The following GRM8 variants were observed in gnomAD, a reference collection of about 807,000 sequenced individuals.
The protein encoded by GRM8 is metabotropic glutamate receptor 8.
GRM8 carries 47 observed loss-of-function variants against 87.2 expected under a neutral mutation model. That is an observed-to-expected ratio of 0.54 (90% confidence interval 0.43 to 0.69). The LOEUF (loss-of-function observed/expected upper bound fraction) is 0.69. GRM8 is among the 30% of genes least tolerant of loss of function. The pLI is 0.00. For missense variants in GRM8, 1,019 were observed against 1,139.2 expected (o/e 0.89, Z 1.52); for synonymous variants, 396 against 404.5 (o/e 0.98, Z 0.25).
intron 3 of GRM8, among the ~76,000 whole-genome samples, chr7:126,952,360 T>C (rs538261609): frequency 6.6e-6 from 1 of 152,136 alleles, no homozygotes; most frequent in South Asian, 2.1e-4. Context: ...TCCCAATTAA[T>C]ACATGTTGAA....
Position 126,619,070 on chromosome 7 carries a change from C to T in GRM8, c.1358-9572G>A, listed in dbSNP as rs530397793. 7.4e-4 allele frequency among the ~76,000 whole-genome samples: 112 copies of T among 152,320 alleles called. 2 individuals are homozygous for T. In the South Asian group the frequency reaches 0.022, roughly 30 times the overall value. On this transcript the variant is annotated intron_variant, in intron 7 of 10. Transcript: ENST00000339582. ...AATTATGCTGCTATAAAGGCACTTG[C>T]ACACGTATGTTTATTGCGGCACTAT... is the stretch of plus-strand genomic sequence containing the variant.
Position 126,648,795 on chromosome 7 carries a change from C to CAAT in GRM8, c.1358-39298_1358-39297insATT, listed in dbSNP as rs55772286. On this transcript the variant is annotated intron_variant, in intron 7 of 10. Coordinates refer to ENST00000339582, the MANE Select transcript of GRM8 (RefSeq NM_000845.3). ...TATCTTTAAATGAACAAATGCTGAA[C>CAAT]GACACTGATATTAAGACCTATTTAT... 1.0e-3 allele frequency among the ~76,000 whole-genome samples: 153 copies of CAAT among 152,116 alleles called. 1 individual carries two copies. The highest frequency in any genetic ancestry group is 3.4e-3 in the Admixed American group (52 of 15,264).
rs775006553 is a variant in GRM8 at position 126,904,009 on chromosome 7, C to T, written c.981G>A (p.Gly327=). The stretch of plus-strand genomic sequence containing the variant: ...CTCGTTTGGGCAAAATTGTCACAGC[C>T]CCTTCTGCAATCTCCTCTTGCTGAT... ...PVYQQEEIAE[G]AVTILPKRAS... The change falls in exon 5 of 11, where the codon GGG becomes GGA. Residue 327 remains glycine (G), a synonymous_variant. Transcript: ENST00000339582. 1 of 1,564,166 alleles carries T rather than the reference C, an allele frequency of 6.4e-7. No individual in the cohort carries two copies. Among genetic ancestry groups the T allele is most frequent in the East Asian group, 2.3e-5 (1 of 44,404 alleles).
intron 3 of GRM8, among the ~76,000 whole-genome samples, chr7:126,993,227 A>G (rs1314634378): frequency 2.0e-5 from 3 of 152,202 alleles, no homozygotes; most frequent in African/African-American, 7.2e-5. Context: ...ACTCATACAG[A>G]TATTTTTATC....
chr7:126,746,036 A>C (rs1261888580), intron 7 of GRM8, among the ~76,000 whole-genome samples: 2 of 151,836 alleles, frequency 1.3e-5, no homozygotes, highest in Non-Finnish European at 3.0e-5. Context: ...TGCTTATTAA[A>C]GTCACAAAGG....
rs79410419 is a variant in GRM8, at chr7:127,086,746, T to C, written c.727+19750A>G. ...AGTGCCTATCACAGCATTGTGCCCA[T>C]AGCCAGGGTGCAGTGCATCTTATGG... is the stretch of plus-strand genomic sequence containing the variant. On this transcript the variant is annotated intron_variant, in intron 3 of 10. Transcript: ENST00000339582. 7.6e-3 allele frequency among the ~76,000 whole-genome samples: 1,161 copies of C among 152,336 alleles called. 10 individuals carry two copies. Among genetic ancestry groups the C allele is most frequent in the Non-Finnish European group, 0.013 (887 of 68,028 alleles).
intron 6 of GRM8, among the ~76,000 whole-genome samples, chr7:126,785,105 C>T (rs1041233588): frequency 4.6e-5 from 7 of 152,126 alleles, no homozygotes; most frequent in African/African-American, 7.2e-5. Context: ...ACACCACAGC[C>T]GTGGACTCCT....
At chr7:126,769,025 G>A (rs1818544353) in intron 7 of GRM8, among the ~76,000 whole-genome samples, 1 of 151,960 alleles carries the variant, frequency 6.6e-6, no homozygotes, top group African/African-American at 2.4e-5. Flanking sequence ...GGTCACTGGA[G>A]TGTGTTATGA....
chr7:126,634,850 G>A (rs1215812743), intron 7 of GRM8, among the ~76,000 whole-genome samples: 1 of 152,166 alleles, frequency 6.6e-6, no homozygotes, highest in Non-Finnish European at 1.5e-5. Flanking sequence ...CCAAAGCAGT[G>A]ATGTTAATGT....
chr7:126,651,233 G>A (rs1803824566), intron 7 of GRM8, among the ~76,000 whole-genome samples: 1 of 152,210 alleles, frequency 6.6e-6, no homozygotes, highest in African/African-American at 2.4e-5. Flanking sequence ...TGTGGCCAAA[G>A]AAGTGTGGCA....
intron 3 of GRM8, among the ~76,000 whole-genome samples, chr7:126,982,205 C>A (rs1429243162): frequency 1.3e-5 from 2 of 152,086 alleles, no homozygotes; most frequent in African/African-American, 2.4e-5. Flanking sequence ...CCTTTTCATG[C>A]TTTTCTGCCC....
Position 126,934,308 on chromosome 7 carries a change from T to C in GRM8, c.728-29625A>G, listed in dbSNP as rs573287031. Among the ~76,000 whole-genome samples the C allele has an allele frequency of 1.2e-3, 190 of 152,292 alleles. 1 individual carries two copies. Among genetic ancestry groups the C allele is most frequent in the African/African-American group, 4.5e-3 (187 of 41,578 alleles). On this transcript the variant is annotated intron_variant, in intron 3 of 10. Transcript: ENST00000339582. ...ATTTAGCCCCACTCTAAATCATTCA[T>C]AAAAATGTTCAGTGATGGGTCTCCA...
At chr7:126,637,840 C>T (rs1802011880) in intron 7 of GRM8, among the ~76,000 whole-genome samples, 1 of 152,048 alleles carries the variant, frequency 6.6e-6, no homozygotes, top group African/African-American at 2.4e-5. Flanking sequence ...CAGAAGGGAT[C>T]ATGATTTCTG....
intron 2 of GRM8, among the ~76,000 whole-genome samples, chr7:127,182,739 A>C (rs1171332644): frequency 1.3e-5 from 2 of 151,588 alleles, no homozygotes; most frequent in Non-Finnish European, 3.0e-5. Flanking sequence ...AATTAACAGC[A>C]CTTGCAGTCA....
Position 126,614,280 on chromosome 7 carries a change from C to A in GRM8, c.1358-4782G>T, listed in dbSNP as rs182535154. Among the ~76,000 whole-genome samples the A allele has an allele frequency of 1.4e-4, 21 of 152,230 alleles. No individual in the cohort carries two copies. The East Asian group carries it at 4.1e-3, about 30-fold the overall frequency. On this transcript the variant is annotated intron_variant, in intron 7 of 10. Coordinates refer to ENST00000339582, the MANE Select transcript of GRM8 (RefSeq NM_000845.3). Reference sequence around the variant, plus strand: ...CCAAGCAAACAGGGTCTGGAGTGGACCTCCAGCAAACTCCAACAGACCTGC... The same window carrying A: ...CCAAGCAAACAGGGTCTGGAGTGGAACTCCAGCAAACTCCAACAGACCTGC...
chr7:127,029,086 A>T (rs1003642646), intron 3 of GRM8, among the ~76,000 whole-genome samples: 1 of 151,948 alleles, frequency 6.6e-6, no homozygotes, highest in Non-Finnish European at 1.5e-5. Context: ...TCTTCATTTC[A>T]TTATTTACCC....
At chr7:126,855,243 A>C (rs1287254944) in intron 6 of GRM8, among the ~76,000 whole-genome samples, 1 of 152,142 alleles carries the variant, frequency 6.6e-6, no homozygotes, top group Non-Finnish European at 1.5e-5. Context: ...ATGGTCCATG[A>C]ACTACAGTTT....
At chr7:126,558,295 C>T (rs1221856572) in intron 8 of GRM8, among the ~76,000 whole-genome samples, 1 of 152,142 alleles carries the variant, frequency 6.6e-6, no homozygotes, top group Admixed American at 6.5e-5. Flanking sequence ...AATCTTAAAA[C>T]ATCCCTATTG....
intron 6 of GRM8, among the ~76,000 whole-genome samples, chr7:126,793,569 C>T (rs554951462): frequency 2.6e-5 from 4 of 152,188 alleles, no homozygotes; most frequent in East Asian, 1.9e-4. Flanking sequence ...AGTTTCTCTG[C>T]GAGGATTTAC....
Sources: gnomAD v4.1 joint callset for allele counts (sites outside exome capture counted in the v4.1 genomes callset) on GRCh38, gnomAD v4.1.1 for gene constraint, MANE v1.5 for transcripts, NCBI Gene and HGNC (gene_info 2026-07-23, HGNC 2026-07-21) for gene names.